Variants in TACC2 observed in about 807,000 individuals in gnomAD.
TACC2 encodes transforming acidic coiled-coil containing protein 2.
Under a neutral mutation model 227.3 loss-of-function variants are expected in TACC2, and 137 were observed. The ratio of observed to expected loss-of-function variants is 0.60; its 90% CI spans 0.52 to 0.69. The LOEUF is 0.69. Ranked by LOEUF, TACC2 falls within the 30% of genes least tolerant of loss-of-function variation. The pLI, the probability that TACC2 is intolerant of heterozygous loss-of-function variation, is 0.00. For synonymous variants in TACC2, 1,523 were observed against 1,487.5 expected (o/e 1.02, Z -0.55); for missense variants, 3,470 against 3,694.4 (o/e 0.94, Z 1.57).
At position 122,103,676 on chromosome 10, in the gene TACC2, G is replaced by A. The variant is rs1442803293; in HGVS notation, c.5573+15085G>A. Among the ~76,000 whole-genome samples, 3 of 152,208 alleles carry A rather than the reference G, an allele frequency of 2.0e-5. No homozygotes were observed. In the East Asian group the frequency reaches 5.8e-4, roughly 29 times the overall value. Reference sequence around the variant, plus strand: ...TACCCTTTCAGTTTGAATTCTTGGTGTTTGAGTGAATCCCTGAGATACTGT... The same window carrying A: ...TACCCTTTCAGTTTGAATTCTTGGTATTTGAGTGAATCCCTGAGATACTGT... On this transcript the variant is annotated intron_variant, in intron 5 of 22. Coordinates refer to ENST00000369005, the MANE Select transcript of TACC2 (RefSeq NM_206862.4).
intron 1 of TACC2, among the ~76,000 whole-genome samples, chr10:122,004,343 A>G (rs1442139351): frequency 1.3e-5 from 2 of 151,756 alleles, no homozygotes; most frequent in Non-Finnish European, 2.9e-5. Flanking sequence ...GGTTGCAGTG[A>G]GACAAAATCG....
At chr10:122,014,227 A>ATTTTTT (rs397731091) in intron 1 of TACC2, among the ~76,000 whole-genome samples, 23 of 145,204 alleles carry the variant, frequency 1.6e-4, no homozygotes, top group African/African-American at 5.1e-4. Flanking sequence ...GACCTGTGTA[A>ATTTTTT]TTTTTTTTTT....
chr10:122,005,470 C>T (rs1307295979), intron 1 of TACC2, among the ~76,000 whole-genome samples: 1 of 150,298 alleles, frequency 6.7e-6, no homozygotes, highest in African/African-American at 2.4e-5. Context: ...CTGCAAGCTC[C>T]ACCTCCTGGG....
intron 2 of TACC2, 134 bp downstream of exon 2, chr10:122,022,148 T>C (rs1957413341): frequency 8.9e-6 from 7 of 782,256 alleles, no homozygotes; most frequent in Admixed American, 2.3e-5. Context: ...TGTGCGGGCA[T>C]TTATGGATCT....
chr10:122,070,916 C>G (rs2077982847), intron 3 of TACC2, among the ~76,000 whole-genome samples: 1 of 151,600 alleles, frequency 6.6e-6, no homozygotes, highest in Non-Finnish European at 1.5e-5. Flanking sequence ...AGAGGAAGAC[C>G]CTGTCTGGAA....
intron 3 of TACC2, among the ~76,000 whole-genome samples, chr10:122,071,886 CA>C (rs946551835): frequency 0.055 from 3,653 of 66,808 alleles, 90 homozygotes; most frequent in Admixed American, 0.15. Context: ...GACTCTGTCT[CA>C]AAAAAAAAAA....
chr10:122,143,575 C>T lies in TACC2; in HGVS notation c.5703C>T (p.Ile1901=). The part of the protein sequence containing the change: ...QVSTDLIAQS[I]SPAAAHAGLP... Reference sequence around the variant, plus strand: ...AATTCCCTCATTGTGTCCCCAGCATCTCCCCAGCTGCTGCCCATGCGGGTC... The same window carrying T: ...AATTCCCTCATTGTGTCCCCAGCATTTCCCCAGCTGCTGCCCATGCGGGTC... The change falls in exon 7 of 23, where the codon ATC becomes ATT. Residue 1901 remains isoleucine, a synonymous_variant. Transcript: ENST00000369005. The T allele has an allele frequency of 6.2e-7, 1 of 1,613,994 alleles. No homozygotes were observed. Among genetic ancestry groups the T allele is most frequent in the South Asian group, 1.1e-5 (1 of 91,076 alleles).
At chr10:122,110,275 G>T (rs558566690) in intron 5 of TACC2, among the ~76,000 whole-genome samples, 4 of 152,138 alleles carry the variant, frequency 2.6e-5, no homozygotes, top group African/African-American at 9.6e-5. Context: ...TCCCAAGACC[G>T]CACAAGCCTG....
chr10:122,249,799 C>CCTCA, intron 22 of TACC2, 135 bp downstream of exon 22: 1 of 1,110,170 alleles, frequency 9.0e-7, no homozygotes. Context: ...ATGAGCATAC[C>CCTCA]CTTGGTTCCT....
chr10:122,197,623 T>C (rs962868783), intron 8 of TACC2, among the ~76,000 whole-genome samples: 3 of 152,258 alleles, frequency 2.0e-5, no homozygotes, highest in African/African-American at 7.2e-5. Flanking sequence ...CGTTAATTGC[T>C]GTGGAGTCAC....
intron 5 of TACC2, among the ~76,000 whole-genome samples, chr10:122,119,701 G>T (rs2085349941): frequency 6.6e-6 from 1 of 152,186 alleles, no homozygotes; most frequent in Non-Finnish European, 1.5e-5. Flanking sequence ...ATCACCAAAG[G>T]TCAGGAGTTC....
In TACC2 at chr10:122,209,507, T is replaced by G. The variant is rs2095236275; in HGVS notation, c.5972-890T>G. Among the ~76,000 whole-genome samples, 1 of 152,186 alleles carries G rather than the reference T, an allele frequency of 6.6e-6. No homozygotes were observed. The highest frequency in any genetic ancestry group is 6.5e-5 in the Admixed American group (1 of 15,278). ...GCAGAGCCTTTACTCGCACTATTCC[T>G]TCTACCCAGGATGCTTCCTCCCCAG... On this transcript the variant is annotated intron_variant, in intron 8 of 22. Coordinates refer to ENST00000369005, the MANE Select transcript of TACC2 (RefSeq NM_206862.4). This position sits in a 1 kb window ranked among gnomAD's most constrained non-coding sequence, Gnocchi z 4.5.
rs772652730 is a variant in TACC2, at chr10:122,227,834, C to A, written c.7725-3C>A. The stretch of plus-strand genomic sequence containing the variant: ...AAAGAAAGATGCCCTTTGCTTCCCC[C>A]AGGTCAAGTTTTGAAGAGACTGAAG... On this transcript the variant is annotated splice_region_variant and splice_polypyrimidine_tract_variant and intron_variant, in intron 13 of 22. Coordinates refer to ENST00000369005, the MANE Select transcript of TACC2 (RefSeq NM_206862.4). The A allele has an allele frequency of 6.2e-7, 1 of 1,605,546 alleles. No homozygotes were observed. Among genetic ancestry groups the A allele is most frequent in the Non-Finnish European group, 8.5e-7 (1 of 1,175,026 alleles).
At position 122,210,407 on chromosome 10, in the gene TACC2, T is replaced by A; in HGVS notation, c.5982T>A (p.Ser1994=). 1 of 1,613,812 alleles carries A rather than the reference T, an allele frequency of 6.2e-7. No homozygotes were observed. The highest frequency in any genetic ancestry group is 1.1e-5 in the South Asian group (1 of 91,032). ...TCTGTGTTTCCCCAGGATGTGGTTC[T>A]GAGACAGTCCCTGTCCCTGATGGCC... The part of the protein sequence containing the change: ...QPPPEEPGCG[S]ETVPVPDGPR... The change falls in exon 9 of 23, where the codon TCT becomes TCA. Residue 1994 remains serine, a synonymous_variant. Coordinates refer to ENST00000369005, the MANE Select transcript of TACC2 (RefSeq NM_206862.4). The surrounding 1 kb of genome is among the most constrained non-coding windows in gnomAD (Gnocchi z 4.6).
At chr10:122,242,972 C>G (rs1332830192) in intron 19 of TACC2, among the ~76,000 whole-genome samples, 1 of 151,812 alleles carries the variant, frequency 6.6e-6, no homozygotes, top group East Asian at 1.9e-4. Flanking sequence ...TTGAGACCGT[C>G]TCGTTCTGTC....
At chr10:122,109,984 T>C (rs1326880681) in intron 5 of TACC2, among the ~76,000 whole-genome samples, 1 of 152,210 alleles carries the variant, frequency 6.6e-6, no homozygotes, top group Non-Finnish European at 1.5e-5. Context: ...AACAAAATCT[T>C]ATGTAGAACT....
intron 1 of TACC2, among the ~76,000 whole-genome samples, chr10:122,020,609 A>G (rs1332529716): frequency 3.9e-5 from 6 of 152,204 alleles, no homozygotes; most frequent in Non-Finnish European, 5.9e-5. Context: ...GATGAAAACC[A>G]TATTTCCATG....
At chr10:122,046,430 C>T (rs781661147) in intron 2 of TACC2, among the ~76,000 whole-genome samples, 3 of 151,930 alleles carry the variant, frequency 2.0e-5, no homozygotes, top group Non-Finnish European at 2.9e-5. Context: ...GCCAAGATCT[C>T]GCCACTGCAC....
At chr10:122,239,572 G>A (rs1184963791) in intron 18 of TACC2, among the ~76,000 whole-genome samples, 1 of 152,150 alleles carries the variant, frequency 6.6e-6, no homozygotes, top group Non-Finnish European at 1.5e-5. Context: ...TGGGGGTATG[G>A]GTGGTTCTAG....
Sources: allele counts gnomAD v4.1 joint callset (sites outside exome capture counted in the v4.1 genomes callset), GRCh38; gene constraint gnomAD v4.1.1; non-coding constraint Gnocchi (gnomAD v3.1); transcripts MANE v1.5; gene names NCBI Gene and HGNC (gene_info 2026-07-23, HGNC 2026-07-21).